VWC2L: variants seen among roughly 807,000 people sequenced by gnomAD.
VWC2L encodes von Willebrand factor C domain containing 2 like.
Under a neutral mutation model 21.6 loss-of-function variants are expected in VWC2L, and 10 were observed. That is an observed-to-expected ratio of 0.46 (90% confidence interval 0.29 to 0.78). VWC2L has a LOEUF of 0.78. VWC2L is among the 30% of genes least tolerant of loss of function. VWC2L has a pLI of 0.10. For synonymous variants in VWC2L, 96 were observed against 94.3 expected, an observed-to-expected ratio of 1.02 and a Z score of -0.10; for missense variants, 209 against 277.1, an observed-to-expected ratio of 0.75 and a Z score of 1.74.
intron 3 of VWC2L, among the ~76,000 whole-genome samples, chr2:214,537,484 G>C (rs1689553734): frequency 6.6e-6 from 1 of 151,956 alleles, no homozygotes; most frequent in African/African-American, 2.4e-5. Flanking sequence ...CAAATTCATA[G>C]AAGCAGAGAG....
chr2:214,424,497 CCT>C (rs1225517651), intron 2 of VWC2L, among the ~76,000 whole-genome samples: 2 of 152,152 alleles, frequency 1.3e-5, no homozygotes, highest in African/African-American at 4.8e-5. Flanking sequence ...CATTACTTCA[CCT>C]CTTTCTCTAT....
At chr2:214,446,231 C>T (rs1447240705) in intron 3 of VWC2L, among the ~76,000 whole-genome samples, 1 of 152,170 alleles carries the variant, frequency 6.6e-6, no homozygotes, top group Non-Finnish European at 1.5e-5. Context: ...GCCCCTGAAG[C>T]AGTTCATGAT....
chr2:214,443,738 T>C (rs566906016), intron 3 of VWC2L, among the ~76,000 whole-genome samples: 2 of 152,206 alleles, frequency 1.3e-5, no homozygotes, highest in East Asian at 1.9e-4. Flanking sequence ...AGGTAAACAC[T>C]AAAGAAATTC....
chr2:214,484,475 G>A (rs778961140), intron 3 of VWC2L, among the ~76,000 whole-genome samples: 4 of 152,138 alleles, frequency 2.6e-5, no homozygotes, highest in Non-Finnish European at 5.9e-5. Context: ...GTTCCCTCAT[G>A]TATTCAGTTT....
intron 3 of VWC2L, among the ~76,000 whole-genome samples, chr2:214,477,611 T>C (rs1236549886): frequency 6.6e-6 from 1 of 152,258 alleles, no homozygotes; most frequent in African/African-American, 2.4e-5. Flanking sequence ...TCCTCAGAAC[T>C]GTGATTATTA....
intron 3 of VWC2L, among the ~76,000 whole-genome samples, chr2:214,572,838 G>T (rs933281827): frequency 1.3e-5 from 2 of 152,158 alleles, no homozygotes; most frequent in Non-Finnish European, 2.9e-5. Flanking sequence ...TTTTGATTCT[G>T]TAAAATACCT....
At chr2:214,562,231 A>G (rs773103114) in intron 3 of VWC2L, among the ~76,000 whole-genome samples, 2 of 152,002 alleles carry the variant, frequency 1.3e-5, no homozygotes, top group Non-Finnish European at 2.9e-5. Context: ...CTTATAAGTG[A>G]GAACATGCAG....
intron 3 of VWC2L, among the ~76,000 whole-genome samples, chr2:214,555,892 T>A (rs1559329653): frequency 6.6e-6 from 1 of 152,168 alleles, no homozygotes; most frequent in African/African-American, 2.4e-5. Flanking sequence ...TTCTCCTACT[T>A]GGAAATAAAT....
At chr2:214,549,252 C>G in intron 3 of VWC2L, among the ~76,000 whole-genome samples, 1 of 152,328 alleles carries the variant, frequency 6.6e-6, no homozygotes, top group South Asian at 2.1e-4. Context: ...AGCACACTCG[C>G]TTTTACCATG....
chr2:214,495,518 C>T (rs778776954), intron 3 of VWC2L, among the ~76,000 whole-genome samples: 8 of 152,150 alleles, frequency 5.3e-5, no homozygotes, highest in Non-Finnish European at 7.4e-5. Context: ...TGATGGACTA[C>T]CACTTAGGAA....
chr2:214,561,044 A>G (rs1356805517), intron 3 of VWC2L, among the ~76,000 whole-genome samples: 2 of 152,202 alleles, frequency 1.3e-5, no homozygotes, highest in South Asian at 2.1e-4. Context: ...TTCCAATGTT[A>G]GGGTTTTCAT....
intron 3 of VWC2L, among the ~76,000 whole-genome samples, chr2:214,443,836 G>A (rs1004977471): frequency 1.3e-5 from 2 of 152,110 alleles, no homozygotes; most frequent in African/African-American, 2.4e-5. Context: ...ACTAGCTAAT[G>A]TAATTAGAAA....
intron 2 of VWC2L, among the ~76,000 whole-genome samples, chr2:214,415,412 T>A (rs1702340160): frequency 1.3e-5 from 2 of 152,160 alleles, no homozygotes; most frequent in Non-Finnish European, 2.9e-5. Flanking sequence ...AGTTTGTGCC[T>A]GGAGTGTCTG....
intron 1 of VWC2L, among the ~76,000 whole-genome samples, chr2:214,413,266 AT>A (rs1336846808): frequency 6.6e-6 from 1 of 151,972 alleles, no homozygotes; most frequent in Non-Finnish European, 1.5e-5. Flanking sequence ...GCAAATTTTA[AT>A]TTAAATAATA....
At chr2:214,422,299 T>TTG (rs112286362) in intron 2 of VWC2L, among the ~76,000 whole-genome samples, 75,359 of 150,122 alleles carry the variant, frequency 0.5, 18,848 homozygotes, top group Middle Eastern at 0.6. Flanking sequence ...ATGCATTAAT[T>TTG]TGTGTGTGTG....
At chr2:214,484,691 C>T (rs1021537171) in intron 3 of VWC2L, among the ~76,000 whole-genome samples, 1 of 152,108 alleles carries the variant, frequency 6.6e-6, no homozygotes, top group Admixed American at 6.5e-5. Context: ...AAAGCTCAAA[C>T]ATTTTATTTA....
chr2:214,548,896 T>C (rs138991262), intron 3 of VWC2L, among the ~76,000 whole-genome samples: 1,653 of 152,338 alleles, frequency 0.011, 9 homozygotes, highest in Middle Eastern at 0.024. Flanking sequence ...TACCTTCTTA[T>C]TGCTTCTGTA....
intron 3 of VWC2L, among the ~76,000 whole-genome samples, chr2:214,555,294 T>C (rs1355147888): frequency 1.3e-5 from 2 of 152,200 alleles, no homozygotes; most frequent in South Asian, 2.1e-4. Flanking sequence ...GCTTGTAACT[T>C]CTACGTCTAA....
At chr2:214,474,442 AC>A (rs1407818223) in intron 3 of VWC2L, among the ~76,000 whole-genome samples, 1 of 152,184 alleles carries the variant, frequency 6.6e-6, no homozygotes, top group East Asian at 1.9e-4. Context: ...TGTGAGAGTT[AC>A]GTGTGTGTGC....
Sources: allele counts gnomAD v4.1 joint callset (sites outside exome capture counted in the v4.1 genomes callset), GRCh38; gene constraint gnomAD v4.1.1; transcripts MANE v1.5; gene names NCBI Gene and HGNC (gene_info 2026-07-23, HGNC 2026-07-21).